Variants in UGT2B7 observed in about 807,000 individuals in gnomAD.
UGT2B7 encodes the protein UDP-glucuronosyltransferase 2B7.
UGT2B7 carries 51 observed loss-of-function variants against 51.9 expected under a neutral mutation model. The ratio of observed to expected loss-of-function variants is 0.98; its 90% CI spans 0.78 to 1.24. The LOEUF (loss-of-function observed/expected upper bound fraction) is 1.24, where lower values mean the gene tolerates loss of function less well. Among genes scored for constraint, UGT2B7 ranks in the 50% most tolerant of loss-of-function variants. UGT2B7 has a pLI of 0.00. For synonymous variants in UGT2B7, 225 were observed against 211.6 expected, an observed-to-expected ratio of 1.06 and a Z score of -0.55; for missense variants, 727 against 628.4, an observed-to-expected ratio of 1.16 and a Z score of -1.68.
intron 1 of UGT2B7, among the ~76,000 whole-genome samples, chr4:69,083,035 G>A (rs1283202523): frequency 6.6e-6 from 1 of 152,024 alleles, no homozygotes; most frequent in Non-Finnish European, 1.5e-5. Context: ...TGCTTTGCCT[G>A]TGTACTATAA....
intron 3 of UGT2B7, among the ~76,000 whole-genome samples, chr4:69,105,984 T>C (rs1719585216): frequency 6.6e-6 from 1 of 152,036 alleles, no homozygotes; most frequent in South Asian, 2.1e-4. Context: ...TAAAACAAAA[T>C]AAGCACGCAG....
At chr4:69,102,320 C>T (rs1293132305) in intron 2 of UGT2B7, among the ~76,000 whole-genome samples, 1 of 152,074 alleles carries the variant, frequency 6.6e-6, no homozygotes, top group Non-Finnish European at 1.5e-5. Context: ...ATCCTCAGAG[C>T]TCATAGTTAG....
chr4:69,082,716 G>A (rs1229113246), intron 1 of UGT2B7, among the ~76,000 whole-genome samples: 1 of 152,104 alleles, frequency 6.6e-6, no homozygotes, highest in African/African-American at 2.4e-5. Flanking sequence ...AAGTAAAGTA[G>A]CAAGTGCCAA....
chr4:69,056,394 G>A (rs1718199413), intron 1 of UGT2B7, among the ~76,000 whole-genome samples: 1 of 152,180 alleles, frequency 6.6e-6, no homozygotes, highest in African/African-American at 2.4e-5. Context: ...GATGAGAAAT[G>A]CGATCTATCA....
intron 1 of UGT2B7, among the ~76,000 whole-genome samples, chr4:69,087,691 G>C (rs1560505748): frequency 6.8e-6 from 1 of 147,890 alleles, no homozygotes; most frequent in Non-Finnish European, 1.5e-5. Flanking sequence ...TTGAAGAATT[G>C]CTTCGGTAGG....
chr4:69,078,485 T>A (rs542819898), intron 1 of UGT2B7, among the ~76,000 whole-genome samples: 1 of 152,214 alleles, frequency 6.6e-6, no homozygotes, highest in African/African-American at 2.4e-5. Context: ...ACTTGTTTTT[T>A]CTTTCTCCTT....
intron 4 of UGT2B7, 85 bp downstream of exon 4, chr4:69,107,347 A>G: frequency 1.4e-6 from 2 of 1,400,500 alleles, no homozygotes; most frequent in Non-Finnish European, 1.9e-6. Context: ...AGCTTATTGA[A>G]TATTTGTTAA....
upstream of UGT2B7, among the ~76,000 whole-genome samples, chr4:69,092,204 T>C (rs1719100583): frequency 1.3e-5 from 2 of 152,194 alleles, no homozygotes; most frequent in South Asian, 4.1e-4. Context: ...CTCCCAAAGT[T>C]CTGGGATTAC....
chr4:69,076,722 T>C (rs1382378093), intron 1 of UGT2B7, among the ~76,000 whole-genome samples: 2 of 152,214 alleles, frequency 1.3e-5, no homozygotes, highest in African/African-American at 4.8e-5. Flanking sequence ...ATTTTTCCCA[T>C]TCTGTAGGTT....
intron 2 of UGT2B7, 21 bp from the exon 3 acceptor site, chr4:69,102,786 A>C: frequency 6.2e-7 from 1 of 1,609,744 alleles, no homozygotes; most frequent in Non-Finnish European, 8.5e-7. Context: ...TTTTGTGATG[A>C]AGCAAATTCT....
At chr4:69,106,592 T>C (rs1449355419) in intron 3 of UGT2B7, among the ~76,000 whole-genome samples, 7 of 152,278 alleles carry the variant, frequency 4.6e-5, no homozygotes, top group Middle Eastern at 3.4e-3. Context: ...AAAAGAACCA[T>C]TTATAGTCCG....
intron 2 of UGT2B7, among the ~76,000 whole-genome samples, chr4:69,089,981 T>C (rs1272157066): frequency 2.0e-5 from 3 of 152,150 alleles, no homozygotes; most frequent in African/African-American, 2.4e-5. Context: ...ATTACAAAGA[T>C]AGAGAAGAAT....
intron 1 of UGT2B7, among the ~76,000 whole-genome samples, chr4:69,063,192 G>A (rs1031760863): frequency 6.7e-5 from 10 of 150,314 alleles, no homozygotes; most frequent in Non-Finnish European, 1.2e-4. Flanking sequence ...AGTGGCGGGC[G>A]CCTGTAGTCC....
chr4:69,106,772 T>C lies in UGT2B7; in HGVS notation c.1003-403T>C, dbSNP rs578032405. 2.6e-5 allele frequency among the ~76,000 whole-genome samples: 4 copies of C among 152,170 alleles called. No individual in the cohort carries two copies. The South Asian group carries it at 8.3e-4, about 32-fold the overall frequency. ...CACCAGTATCATGATATTTTTTGAGTTTTTAATAATAGCCATTCTGACTGG... is the reference window on the plus strand; with the variant it reads ...CACCAGTATCATGATATTTTTTGAGCTTTTAATAATAGCCATTCTGACTGG... On this transcript the variant is annotated intron_variant, in intron 3 of 5. Coordinates refer to ENST00000305231, the MANE Select transcript of UGT2B7 (RefSeq NM_001074.4).
At chr4:69,109,373 A>G (rs770174963) in intron 5 of UGT2B7, among the ~76,000 whole-genome samples, 4 of 152,118 alleles carry the variant, frequency 2.6e-5, no homozygotes, top group African/African-American at 7.2e-5. Context: ...CATGGTTCCA[A>G]TTCCTCCATA....
chr4:69,104,316 C>T (rs1240043547), intron 3 of UGT2B7, among the ~76,000 whole-genome samples: 1 of 152,026 alleles, frequency 6.6e-6, no homozygotes, highest in African/African-American at 2.4e-5. Context: ...TAGTATATTT[C>T]AGGATCTAGA....
At chr4:69,103,120 T>C (rs1719478383) in intron 3 of UGT2B7, among the ~76,000 whole-genome samples, 182 bp downstream of exon 3, 1 of 151,276 alleles carries the variant, frequency 6.6e-6, no homozygotes, top group African/African-American at 2.4e-5. Flanking sequence ...TTTTTTTAAA[T>C]GGTGTTAAGT....
intron 1 of UGT2B7, among the ~76,000 whole-genome samples, chr4:69,060,012 C>CT (rs1215169645): frequency 3.3e-5 from 5 of 152,214 alleles, no homozygotes; most frequent in Non-Finnish European, 7.3e-5. Flanking sequence ...TTGGACAAGA[C>CT]TCCCACAAGG....
At chr4:69,067,395 A>T (rs548778656) in intron 1 of UGT2B7, 50 of 157,926 alleles carry the variant, frequency 3.2e-4, no homozygotes, top group Non-Finnish European at 7.3e-5. Context: ...AAAATCATCT[A>T]TTCTTAGGTC....
Sources: gnomAD v4.1 joint callset for allele counts (sites outside exome capture counted in the v4.1 genomes callset) on GRCh38, gnomAD v4.1.1 for gene constraint, MANE v1.5 for transcripts, NCBI Gene and HGNC (gene_info 2026-07-23, HGNC 2026-07-21) for gene names.